DLGAP2: variants seen among roughly 807,000 people sequenced by gnomAD.
The protein encoded by DLGAP2 is DLG associated protein 2, also known as disks large-associated protein 2.
A neutral mutation model predicts 100.3 loss-of-function variants in DLGAP2; 26 were observed. That is an observed-to-expected ratio of 0.26 (90% CI 0.19 to 0.36). The LOEUF is 0.36. Among genes scored for constraint, DLGAP2 ranks in the 10% least tolerant of loss-of-function variants. DLGAP2 has a pLI of 1.00. For missense variants in DLGAP2, 1,858 were observed against 1,453.2 expected, an observed-to-expected ratio of 1.28 and a Z score of -4.53; for synonymous variants, 886 against 630.1, an observed-to-expected ratio of 1.41 and a Z score of -6.08.
intron 6 of DLGAP2, among the ~76,000 whole-genome samples, chr8:1,578,937 A>G (rs1362303170): frequency 6.6e-6 from 1 of 152,234 alleles, no homozygotes; most frequent in Non-Finnish European, 1.5e-5. Flanking sequence ...TAGAATTATT[A>G]TCAACTAATT....
chr8:911,183 A>T (rs1285644930), intron 2 of DLGAP2, among the ~76,000 whole-genome samples: 1 of 152,092 alleles, frequency 6.6e-6, no homozygotes. Flanking sequence ...ACCCAACTGG[A>T]GGGGTGAGAA....
At chr8:1,346,774 A>T (rs1801569491) in intron 3 of DLGAP2, among the ~76,000 whole-genome samples, 1 of 149,808 alleles carries the variant, frequency 6.7e-6, no homozygotes. Flanking sequence ...TTGAGTTCCT[A>T]TACAGAACTG....
At chr8:924,422 T>A (rs1163982165) in intron 2 of DLGAP2, among the ~76,000 whole-genome samples, 1 of 151,882 alleles carries the variant, frequency 6.6e-6, no homozygotes, top group Non-Finnish European at 1.5e-5. Flanking sequence ...GGAGGGACAA[T>A]GTTGTGGGGT....
intron 2 of DLGAP2, among the ~76,000 whole-genome samples, chr8:1,244,517 A>C (rs907102058): frequency 2.6e-5 from 4 of 152,232 alleles, no homozygotes; most frequent in Non-Finnish European, 5.9e-5. Context: ...GCCTCACCAA[A>C]GGGTCAATAT....
intron 3 of DLGAP2, among the ~76,000 whole-genome samples, chr8:1,282,261 GC>G (rs1799833391): frequency 4.5e-5 from 5 of 111,244 alleles, no homozygotes; most frequent in South Asian, 3.2e-4. Flanking sequence ...TGAACCCAGC[GC>G]CCTGAACCAT....
chr8:1,294,804 G>C (rs181096274), intron 3 of DLGAP2, among the ~76,000 whole-genome samples: 2 of 151,912 alleles, frequency 1.3e-5, no homozygotes, highest in Non-Finnish European at 2.9e-5. Context: ...CGGAGGTGCA[G>C]GTTGCAGTGA....
At chr8:1,285,431 G>A (rs1392479887) in intron 3 of DLGAP2, among the ~76,000 whole-genome samples, 2 of 152,186 alleles carry the variant, frequency 1.3e-5, no homozygotes, top group East Asian at 1.9e-4. Flanking sequence ...AGTTTTGGAA[G>A]ATATTTGAGA....
intron 2 of DLGAP2, among the ~76,000 whole-genome samples, chr8:1,242,754 G>A (rs1466832440): frequency 6.6e-6 from 1 of 152,158 alleles, no homozygotes; most frequent in Non-Finnish European, 1.5e-5. Flanking sequence ...ATGGACGGAT[G>A]GATGGTCAGA....
intron 2 of DLGAP2, among the ~76,000 whole-genome samples, chr8:1,092,127 C>A (rs1804206208): frequency 6.6e-6 from 1 of 152,218 alleles, no homozygotes; most frequent in East Asian, 1.9e-4. Context: ...GTGTCTGCCC[C>A]TTCATACCCA....
chr8:1,442,847 G>A (rs1327001311), intron 3 of DLGAP2, among the ~76,000 whole-genome samples: 2 of 149,730 alleles, frequency 1.3e-5, no homozygotes, highest in Non-Finnish European at 2.9e-5. Flanking sequence ...AGGCTGCTGT[G>A]GGTTTAGCCA....
chr8:883,999 C>T (rs1298267132), intron 1 of DLGAP2, among the ~76,000 whole-genome samples: 1 of 152,210 alleles, frequency 6.6e-6, no homozygotes, highest in Admixed American at 6.5e-5. Flanking sequence ...CATAGTATTC[C>T]ATGGTGTATA....
At chr8:1,377,038 G>A (rs937503110) in intron 3 of DLGAP2, among the ~76,000 whole-genome samples, 1 of 152,212 alleles carries the variant, frequency 6.6e-6, no homozygotes, top group African/African-American at 2.4e-5. Context: ...ACTGTGCGCG[G>A]TCCCTGGCTG....
intron 3 of DLGAP2, among the ~76,000 whole-genome samples, chr8:1,332,657 G>T (rs553777986): frequency 2.6e-5 from 4 of 152,278 alleles, no homozygotes; most frequent in Admixed American, 6.5e-5. Context: ...CTGGCCTTTG[G>T]CCTCCACAGG....
intron 2 of DLGAP2, among the ~76,000 whole-genome samples, chr8:1,140,551 C>A (rs1168374569): frequency 6.6e-6 from 1 of 152,156 alleles, no homozygotes; most frequent in African/African-American, 2.4e-5. Flanking sequence ...CTCAGCCGGG[C>A]TGGGAGCTGA....
intron 3 of DLGAP2, among the ~76,000 whole-genome samples, chr8:1,446,719 A>C (rs140390520): frequency 3.3e-5 from 5 of 152,160 alleles, no homozygotes; most frequent in South Asian, 2.1e-4. Context: ...TCTTCCTACC[A>C]ATGATCATGG....
At chr8:1,244,854 T>A (rs1798870567) in intron 2 of DLGAP2, among the ~76,000 whole-genome samples, 2 of 152,114 alleles carry the variant, frequency 1.3e-5, no homozygotes, top group Admixed American at 6.6e-5. Flanking sequence ...ACTCAAGTAA[T>A]GAGGTAAAAT....
At chr8:1,065,618 G>A (rs1055558337) in intron 2 of DLGAP2, among the ~76,000 whole-genome samples, 4 of 152,166 alleles carry the variant, frequency 2.6e-5, no homozygotes, top group Non-Finnish European at 4.4e-5. Flanking sequence ...AAAGATGCCC[G>A]TGTGCTTCCT....
intron 3 of DLGAP2, among the ~76,000 whole-genome samples, chr8:1,318,697 A>G (rs1800823131): frequency 6.6e-6 from 1 of 152,072 alleles, no homozygotes; most frequent in South Asian, 2.1e-4. Flanking sequence ...TACCACTTTC[A>G]AAATGAAAAT....
At chr8:1,561,185 C>T (rs1802145531) in intron 5 of DLGAP2, among the ~76,000 whole-genome samples, 1 of 152,204 alleles carries the variant, frequency 6.6e-6, no homozygotes, top group Admixed American at 6.5e-5. Context: ...CCTCATTCGC[C>T]TTCTGCCATG....
Sources: gnomAD v4.1 joint callset for allele counts (sites outside exome capture counted in the v4.1 genomes callset) on GRCh38, gnomAD v4.1.1 for gene constraint, MANE v1.5 for transcripts, NCBI Gene and HGNC (gene_info 2026-07-23, HGNC 2026-07-21) for gene names.